TENM4: variants seen among roughly 807,000 people sequenced by gnomAD.
The protein encoded by TENM4 is teneurin transmembrane protein 4, also known as teneurin-4.
In TENM4, 82 loss-of-function variants were observed where a neutral mutation model predicts 243.3. The ratio of observed to expected loss-of-function variants is 0.34; its 90% CI spans 0.28 to 0.40. TENM4 has a LOEUF of 0.40. Ranked by LOEUF, TENM4 falls within the 10% of genes least tolerant of loss-of-function variation. TENM4 has a pLI of 1.00. For synonymous variants in TENM4, 1,412 were observed against 1,456.3 expected, an observed-to-expected ratio of 0.97 and a Z score of 0.69; for missense variants, 3,138 against 3,673.3, an observed-to-expected ratio of 0.85 and a Z score of 3.77.
intron 3 of TENM4, among the ~76,000 whole-genome samples, chr11:79,166,779 G>C (rs759857745): frequency 6.6e-6 from 1 of 152,210 alleles, no homozygotes; most frequent in African/African-American, 2.4e-5. Context: ...GGCAGAATCA[G>C]TGCAGGGTTT....
chr11:79,134,486 G>C (rs1050494833), intron 4 of TENM4, among the ~76,000 whole-genome samples: 8 of 151,984 alleles, frequency 5.3e-5, no homozygotes, highest in East Asian at 1.9e-4. Context: ...CACAGAACTA[G>C]AAAAAACAAT....
At chr11:78,805,261 C>T (rs368282399) in intron 15 of TENM4, 31 bp downstream of exon 15, 2 of 1,530,270 alleles carry the variant, frequency 1.3e-6, no homozygotes, top group African/African-American at 2.8e-5. Context: ...TCCCCTCCCT[C>T]TACCCATGCT....
chr11:78,946,329 G>A (rs969841206), intron 6 of TENM4, among the ~76,000 whole-genome samples: 3 of 152,208 alleles, frequency 2.0e-5, no homozygotes, highest in Non-Finnish European at 2.9e-5. Context: ...ACAAAGACTG[G>A]ATGATGGCAC....
chr11:78,675,353 G>GCTCA (rs1250559639), intron 30 of TENM4, among the ~76,000 whole-genome samples: 1 of 152,226 alleles, frequency 6.6e-6, no homozygotes, highest in Admixed American at 6.5e-5. Flanking sequence ...GGAACATGTA[G>GCTCA]CTCAGTTCTG....
intron 2 of TENM4, among the ~76,000 whole-genome samples, chr11:79,294,859 A>AG (rs1856422648): frequency 6.6e-6 from 1 of 152,114 alleles, no homozygotes; most frequent in Admixed American, 6.5e-5. Context: ...CAAAAAAAAA[A>AG]GAAGCTAAGT....
intron 9 of TENM4, among the ~76,000 whole-genome samples, chr11:78,867,101 A>T (rs955909749): frequency 1.3e-5 from 2 of 152,218 alleles, no homozygotes; most frequent in Admixed American, 1.3e-4. Flanking sequence ...TTTGTGTTAC[A>T]AACAATCCAA....
At chr11:78,864,179 G>A (rs563691496) in intron 9 of TENM4, among the ~76,000 whole-genome samples, 4 of 152,084 alleles carry the variant, frequency 2.6e-5, no homozygotes, top group South Asian at 2.1e-4. Flanking sequence ...ACTATGGATC[G>A]GGGGATAGGA....
chr11:78,962,302 G>T (rs1015806746), intron 6 of TENM4: 1 of 121,648 alleles, frequency 8.2e-6, no homozygotes, highest in Non-Finnish European at 1.7e-5. Context: ...GGCGGGGAGG[G>T]GGACTGCTCA....
At chr11:78,942,402 G>A (rs934857851) in intron 6 of TENM4, among the ~76,000 whole-genome samples, 3 of 147,532 alleles carry the variant, frequency 2.0e-5, no homozygotes, top group African/African-American at 7.5e-5. Flanking sequence ...CTGAGATCAT[G>A]CCACTGCACT....
chr11:79,028,646 C>T (rs1181919098), intron 6 of TENM4, among the ~76,000 whole-genome samples: 1 of 152,204 alleles, frequency 6.6e-6, no homozygotes, highest in Non-Finnish European at 1.5e-5. Flanking sequence ...CAAGGCAGCT[C>T]CTTTCAGGGG....
intron 10 of TENM4, among the ~76,000 whole-genome samples, chr11:78,861,122 T>G (rs1264421973): frequency 2.6e-5 from 4 of 152,210 alleles, no homozygotes; most frequent in Admixed American, 2.0e-4. Flanking sequence ...CTAAAGACAG[T>G]CTTCACATTA....
chr11:79,249,535 C>A (rs913499688), intron 2 of TENM4, among the ~76,000 whole-genome samples: 5 of 152,236 alleles, frequency 3.3e-5, no homozygotes, highest in Non-Finnish European at 5.9e-5. Flanking sequence ...ACCCACCAAA[C>A]TCAGCCATCT....
chr11:79,147,003 A>G (rs974750596), intron 4 of TENM4, among the ~76,000 whole-genome samples: 1 of 152,100 alleles, frequency 6.6e-6, no homozygotes, highest in African/African-American at 2.4e-5. Context: ...ATGCACACAC[A>G]TGCATAGACG....
chr11:78,969,168 T>C (rs567839312), intron 6 of TENM4, among the ~76,000 whole-genome samples: 19 of 152,286 alleles, frequency 1.2e-4, no homozygotes, highest in African/African-American at 4.6e-4. Flanking sequence ...AGGTCTGTCA[T>C]AGAGAGAACA....
intron 6 of TENM4, among the ~76,000 whole-genome samples, chr11:78,979,628 A>G (rs900620318): frequency 6.6e-6 from 1 of 152,206 alleles, no homozygotes; most frequent in African/African-American, 2.4e-5. Context: ...CAGAGAGAAC[A>G]GCTTATGCCA....
intron 4 of TENM4, among the ~76,000 whole-genome samples, chr11:79,107,381 C>T (rs546027605): frequency 6.6e-6 from 1 of 152,244 alleles, no homozygotes; most frequent in African/African-American, 2.4e-5. Context: ...TGGTACCTCC[C>T]CAAGTTTCCA....
At chr11:79,282,084 A>G (rs1298590260) in intron 2 of TENM4, among the ~76,000 whole-genome samples, 1 of 152,252 alleles carries the variant, frequency 6.6e-6, no homozygotes, top group African/African-American at 2.4e-5. Context: ...ATCATTCATC[A>G]TTAGGGAAAT....
At chr11:78,757,507 TG>T (rs1189595453) in intron 18 of TENM4, among the ~76,000 whole-genome samples, 1 of 152,230 alleles carries the variant, frequency 6.6e-6, no homozygotes, top group Non-Finnish European at 1.5e-5. Flanking sequence ...TGACTTCATC[TG>T]GTGTGCACTC....
intron 6 of TENM4, among the ~76,000 whole-genome samples, chr11:79,030,002 T>C (rs1370328062): frequency 6.6e-6 from 1 of 152,054 alleles, no homozygotes; most frequent in Admixed American, 6.6e-5. Context: ...TGAAAGGATC[T>C]AGGGAAAGGT....
Sources: allele counts gnomAD v4.1 joint callset (sites outside exome capture counted in the v4.1 genomes callset), GRCh38; gene constraint gnomAD v4.1.1; transcripts MANE v1.5; gene names NCBI Gene and HGNC (gene_info 2026-07-23, HGNC 2026-07-21).